PRR16: variants seen among roughly 807,000 people sequenced by gnomAD.
The protein encoded by PRR16 is protein Largen.
A neutral mutation model predicts 18.2 loss-of-function variants in PRR16; 6 were observed. That is an observed-to-expected ratio of 0.33 (90% CI 0.18 to 0.65). The LOEUF is 0.65. Among genes scored for constraint, PRR16 ranks in the 30% least tolerant of loss-of-function variants. PRR16 has a pLI of 0.74. For synonymous variants in PRR16, 151 were observed against 147.8 expected (o/e 1.02, Z -0.16); for missense variants, 412 against 376.6 (o/e 1.09, Z -0.78).
intron 1 of PRR16, chr5:120,531,529 A>G (rs879942622): frequency 6.6e-6 from 1 of 152,072 alleles, no homozygotes; most frequent in Admixed American, 6.6e-5. Context: ...GAACCAATCA[A>G]CTGATGCATG....
At chr5:120,494,757 A>T (rs2112833385) in intron 1 of PRR16, among the ~76,000 whole-genome samples, 1 of 152,076 alleles carries the variant, frequency 6.6e-6, no homozygotes, top group African/African-American at 2.4e-5. Flanking sequence ...TTTTGAGTTA[A>T]TTTTTGTATA....
At chr5:120,677,225 T>C (rs993435106) in intron 1 of PRR16, among the ~76,000 whole-genome samples, 4 of 152,138 alleles carry the variant, frequency 2.6e-5, no homozygotes, top group Admixed American at 2.0e-4. Context: ...ATGAAGTGTG[T>C]TTGCGATGAC....
At chr5:120,650,732 G>A (rs62377789) in intron 1 of PRR16, among the ~76,000 whole-genome samples, 8,431 of 152,098 alleles carry the variant, frequency 0.055, 298 homozygotes, top group South Asian at 0.093. Flanking sequence ...TATCATTGTT[G>A]GACATTTGGG....
At chr5:120,555,753 C>T (rs1752387718) in intron 1 of PRR16, among the ~76,000 whole-genome samples, 1 of 150,782 alleles carries the variant, frequency 6.6e-6, no homozygotes, top group African/African-American at 2.4e-5. Flanking sequence ...TGGGTAAGTT[C>T]CTGGTTTTTC....
chr5:120,540,076 C>T (rs907202277), intron 1 of PRR16, among the ~76,000 whole-genome samples: 2 of 152,094 alleles, frequency 1.3e-5, no homozygotes, highest in African/African-American at 2.4e-5. Flanking sequence ...TTTTGGTGAA[C>T]CTAACAGGGC....
At chr5:120,729,238 A>G in the PRR16 span, among the ~76,000 whole-genome samples, 2 of 152,156 alleles carry the variant, frequency 1.3e-5, no homozygotes, top group Non-Finnish European at 2.9e-5. Flanking sequence ...AGCCAGTAGT[A>G]TCATAAACAT....
At position 120,668,583 on chromosome 5, in the gene PRR16, C is replaced by T. The variant is rs530426355; in HGVS notation, c.160-17371C>T. Among the ~76,000 whole-genome samples, 352 of 152,198 alleles carry T rather than the reference C, an allele frequency of 2.3e-3. 2 individuals carry two copies. The highest frequency in any genetic ancestry group is 8.0e-3 in the African/African-American group (331 of 41,536). On this transcript the variant is annotated intron_variant, in intron 1 of 1. Transcript: ENST00000407149. ...TTTACATTTTGGCATGATTTTGCAG[C>T]AGCTGGTACCGGTTGTTCCTTTCCA...
the PRR16 span, among the ~76,000 whole-genome samples, chr5:120,762,302 A>C: frequency 4.4e-3 from 675 of 152,188 alleles, 5 homozygotes; most frequent in African/African-American, 0.016. Context: ...ACTGTTTTTC[A>C]TAATAATTGT....
At chr5:120,497,246 G>C (rs72788222) in intron 1 of PRR16, among the ~76,000 whole-genome samples, 1 of 151,516 alleles carries the variant, frequency 6.6e-6, no homozygotes, top group African/African-American at 2.4e-5. Flanking sequence ...TACTTCTTCT[G>C]TATCCTTGCT....
At chr5:120,627,309 T>C (rs1158939495) in intron 1 of PRR16, among the ~76,000 whole-genome samples, 1 of 152,148 alleles carries the variant, frequency 6.6e-6, no homozygotes, top group Non-Finnish European at 1.5e-5. Flanking sequence ...CACTCATTGC[T>C]CAAATTAGTA....
chr5:120,560,073 A>T (rs775695197), intron 1 of PRR16, among the ~76,000 whole-genome samples: 1 of 151,976 alleles, frequency 6.6e-6, no homozygotes, highest in African/African-American at 2.4e-5. Flanking sequence ...AAATCATATA[A>T]TCTACAAACA....
chr5:120,500,467 G>A (rs1355038098), intron 1 of PRR16, among the ~76,000 whole-genome samples: 1 of 152,170 alleles, frequency 6.6e-6, no homozygotes, highest in African/African-American at 2.4e-5. Flanking sequence ...TAGTGCGTCT[G>A]TCTGGAAGCA....
the PRR16 span, among the ~76,000 whole-genome samples, chr5:120,782,073 T>C: frequency 1.3e-5 from 2 of 152,200 alleles, no homozygotes; most frequent in African/African-American, 4.8e-5. Context: ...ATGCACATTG[T>C]TCTTCTGTAG....
At chr5:120,550,791 C>T (rs1159413928) in intron 1 of PRR16, among the ~76,000 whole-genome samples, 1 of 152,018 alleles carries the variant, frequency 6.6e-6, no homozygotes, top group African/African-American at 2.4e-5. Context: ...TTTTAAAATT[C>T]AGTGTGCCTA....
At chr5:120,788,318 T>C in the PRR16 span, among the ~76,000 whole-genome samples, 3 of 152,058 alleles carry the variant, frequency 2.0e-5, no homozygotes, top group East Asian at 3.9e-4. Flanking sequence ...TAATAAGCTG[T>C]AGCAGCTTAT....
intron 1 of PRR16, among the ~76,000 whole-genome samples, chr5:120,494,095 T>C (rs1224267774): frequency 6.6e-6 from 1 of 152,204 alleles, no homozygotes; most frequent in Non-Finnish European, 1.5e-5. Flanking sequence ...TGTTTAGTTT[T>C]ATAAGAGACT....
intron 1 of PRR16, among the ~76,000 whole-genome samples, chr5:120,491,679 G>T (rs1019443626): frequency 6.6e-6 from 1 of 151,958 alleles, no homozygotes; most frequent in Non-Finnish European, 1.5e-5. Flanking sequence ...GAGTAGCTGG[G>T]ATTACAGCCA....
At chr5:120,702,039 T>A in the PRR16 span, among the ~76,000 whole-genome samples, 1 of 150,606 alleles carries the variant, frequency 6.6e-6, no homozygotes, top group Non-Finnish European at 1.5e-5. Flanking sequence ...GCCAAGGGAG[T>A]AGAAGAAGGA....
intron 1 of PRR16, among the ~76,000 whole-genome samples, chr5:120,585,034 C>T (rs1200021260): frequency 6.6e-6 from 1 of 152,160 alleles, no homozygotes; most frequent in Non-Finnish European, 1.5e-5. Context: ...CGAAAGTACT[C>T]TTTCAACTAA....
Sources: allele counts gnomAD v4.1 joint callset (sites outside exome capture counted in the v4.1 genomes callset), GRCh38; gene constraint gnomAD v4.1.1; transcripts MANE v1.5; gene names NCBI Gene and HGNC (gene_info 2026-07-23, HGNC 2026-07-21).